The following NUBPL variants were observed in gnomAD, a reference collection of about 807,000 sequenced individuals.
NUBPL encodes NUBP iron-sulfur cluster assembly factor, mitochondrial.
NUBPL carries 31 observed loss-of-function variants against 45.7 expected under a neutral mutation model. The observed-to-expected ratio is 0.68, with a 90% CI of 0.51 to 0.92. NUBPL has a LOEUF of 0.92. NUBPL is among the 40% of genes least tolerant of loss of function. The pLI is 0.00. For synonymous variants in NUBPL, 144 were observed against 140.9 expected, an observed-to-expected ratio of 1.02 and a Z score of -0.15; for missense variants, 401 against 398.7, an observed-to-expected ratio of 1.01 and a Z score of -0.05.
At chr14:31,663,911 C>G (rs1316915688) in intron 4 of NUBPL, among the ~76,000 whole-genome samples, 2 of 151,894 alleles carry the variant, frequency 1.3e-5, no homozygotes, top group Non-Finnish European at 2.9e-5. Context: ...CTCTCATTTC[C>G]TTGAACAGTG....
chr14:31,767,235 C>T (rs1486981204), intron 6 of NUBPL, among the ~76,000 whole-genome samples: 2 of 152,114 alleles, frequency 1.3e-5, no homozygotes, highest in Non-Finnish European at 2.9e-5. Flanking sequence ...GAGTTTCGCT[C>T]TTTCAGCTCT....
chr14:31,588,758 A>C (rs2034063105), intron 3 of NUBPL, among the ~76,000 whole-genome samples: 2 of 151,868 alleles, frequency 1.3e-5, no homozygotes, highest in African/African-American at 2.4e-5. Flanking sequence ...TACTAAAAAT[A>C]CAAAAAAAAA....
intron 6 of NUBPL, among the ~76,000 whole-genome samples, chr14:31,703,539 G>T (rs943765339): frequency 1.4e-4 from 21 of 152,198 alleles, no homozygotes; most frequent in African/African-American, 5.1e-4. Context: ...CATGGCAGAA[G>T]GCAAGGAGGA....
intron 6 of NUBPL, among the ~76,000 whole-genome samples, chr14:31,725,709 C>CTTTTTTTTTTTTTTTTTTTTTTTTTTTT (rs375160082): frequency 9.5e-6 from 1 of 104,974 alleles, no homozygotes; most frequent in Non-Finnish European, 1.7e-5. Flanking sequence ...TAGATTTCAG[C>CTTTTTTTTTTTTTTTTTTTTTTTTTTTT]TTTTTTTTTT....
chr14:31,754,036 G>A (rs968454580), intron 6 of NUBPL, among the ~76,000 whole-genome samples: 4 of 152,112 alleles, frequency 2.6e-5, no homozygotes, highest in South Asian at 2.1e-4. Context: ...GCCATTCCAC[G>A]ATGTCTGCAT....
intron 4 of NUBPL, among the ~76,000 whole-genome samples, chr14:31,632,525 T>G (rs931262908): frequency 2.0e-5 from 3 of 152,194 alleles, no homozygotes; most frequent in Non-Finnish European, 4.4e-5. Flanking sequence ...TTGGAGTAGC[T>G]GCCTGGCCCC....
intron 6 of NUBPL, among the ~76,000 whole-genome samples, chr14:31,705,907 C>T (rs2037439749): frequency 6.6e-6 from 1 of 152,212 alleles, no homozygotes; most frequent in Admixed American, 6.5e-5. Flanking sequence ...CCTGCCGAGC[C>T]TGTGCTCACC....
rs2039310052 is a variant in NUBPL at position 31,787,772 on chromosome 14, C to A, written c.514-8C>A. On this transcript the variant is annotated splice_polypyrimidine_tract_variant and splice_region_variant and intron_variant, in intron 6 of 10. Transcript: ENST00000281081. ...TATACAATGATATAATCTATGTCAT[C>A]TTTTTAGGTAGATTGGGGTCAACTG... 6.3e-7 allele frequency: 1 copy of A among 1,580,286 alleles called. No individual in the cohort carries two copies. The highest frequency in any genetic ancestry group is 8.7e-7 in the Non-Finnish European group (1 of 1,149,262).
At chr14:31,583,829 C>T (rs552677531) in intron 3 of NUBPL, among the ~76,000 whole-genome samples, 2 of 151,814 alleles carry the variant, frequency 1.3e-5, no homozygotes, top group Non-Finnish European at 2.9e-5. Context: ...TGGTAGGTCT[C>T]GGTTATAGAT....
chr14:31,670,736 C>T (rs918262973), intron 4 of NUBPL, among the ~76,000 whole-genome samples: 2 of 152,172 alleles, frequency 1.3e-5, no homozygotes, highest in African/African-American at 4.8e-5. Flanking sequence ...AGAATCCTTT[C>T]CCCATTGCTT....
At chr14:31,639,736 C>T (rs1387591669) in intron 4 of NUBPL, among the ~76,000 whole-genome samples, 1 of 152,318 alleles carries the variant, frequency 6.6e-6, no homozygotes, top group South Asian at 2.1e-4. Context: ...TGGGCTCCAC[C>T]CAGTTCGAGC....
rs149066929 is a variant in NUBPL at position 31,800,223 on chromosome 14, C to G, written c.607+12350C>G. Among the ~76,000 whole-genome samples the G allele has an allele frequency of 7.4e-4, 113 of 152,232 alleles. 2 individuals carry two copies. In the East Asian group the frequency reaches 0.02, roughly 27 times the overall value. The stretch of plus-strand genomic sequence containing the variant: ...ATTTCCTCCACTGAAATCTTGAACC[C>G]CCAAAAGTCATCTGTGAGGGCTGGA... On this transcript the variant is annotated intron_variant, in intron 7 of 10. Transcript: ENST00000281081.
intron 3 of NUBPL, among the ~76,000 whole-genome samples, chr14:31,576,787 C>G (rs1197463306): frequency 6.6e-6 from 1 of 152,204 alleles, no homozygotes; most frequent in East Asian, 1.9e-4. Flanking sequence ...GAAAAATGGA[C>G]TTTTCATTGG....
At chr14:31,777,689 C>A (rs1000080882) in intron 6 of NUBPL, among the ~76,000 whole-genome samples, 2 of 152,216 alleles carry the variant, frequency 1.3e-5, no homozygotes, top group Non-Finnish European at 2.9e-5. Flanking sequence ...AGGAGTCTTT[C>A]TGAAGGTGTC....
intron 6 of NUBPL, among the ~76,000 whole-genome samples, chr14:31,743,256 C>A (rs370295945): frequency 6.6e-6 from 1 of 152,278 alleles, no homozygotes; most frequent in East Asian, 1.9e-4. Context: ...ATCAGAATTG[C>A]AGTTCAGCTT....
chr14:31,807,469 G>C (rs1242556996), intron 7 of NUBPL, among the ~76,000 whole-genome samples: 1 of 150,972 alleles, frequency 6.6e-6, no homozygotes, highest in Non-Finnish European at 1.5e-5. Flanking sequence ...TGATGGGGTT[G>C]TTTGTTTTTT....
At chr14:31,650,796 C>G (rs972425561) in intron 4 of NUBPL, among the ~76,000 whole-genome samples, 5 of 152,130 alleles carry the variant, frequency 3.3e-5, no homozygotes, top group Admixed American at 6.5e-5. Flanking sequence ...CATGATTTTT[C>G]TGGCTGGAAG....
intron 9 of NUBPL, 45 bp downstream of exon 9, chr14:31,846,636 A>G: frequency 1.2e-6 from 2 of 1,608,882 alleles, no homozygotes; most frequent in Non-Finnish European, 1.7e-6. Context: ...GGCAGAAGAG[A>G]AAGTGGGGAT....
At chr14:31,578,888 A>T (rs2033789059) in intron 3 of NUBPL, among the ~76,000 whole-genome samples, 1 of 152,204 alleles carries the variant, frequency 6.6e-6, no homozygotes, top group Admixed American at 6.5e-5. Context: ...GTTGCTTTAA[A>T]AGATGATTTT....
Sources: allele counts gnomAD v4.1 joint callset (sites outside exome capture counted in the v4.1 genomes callset), GRCh38; gene constraint gnomAD v4.1.1; transcripts MANE v1.5; gene names NCBI Gene and HGNC (gene_info 2026-07-23, HGNC 2026-07-21).